The following RAD21 variants were observed in gnomAD, a reference collection of about 807,000 sequenced individuals.
RAD21 encodes the protein double-strand-break repair protein rad21 homolog.
A neutral mutation model predicts 71.5 loss-of-function variants in RAD21; 18 were observed. That is an observed-to-expected ratio of 0.25 (90% CI 0.17 to 0.37). The LOEUF is 0.37. RAD21 is among the 10% of genes least tolerant of loss of function. The pLI is 1.00. For missense variants in RAD21, 493 were observed against 769.1 expected (o/e 0.64, Z 4.25); for synonymous variants, 248 against 254.0 (o/e 0.98, Z 0.22).
At chr8:116,863,679 G>GA (rs1159110520) in intron 2 of RAD21, among the ~76,000 whole-genome samples, 2 of 152,080 alleles carry the variant, frequency 1.3e-5, no homozygotes, top group Non-Finnish European at 2.9e-5. Context: ...AGTAATAGGT[G>GA]AAGTATGCCA....
chr8:116,850,679 T>C lies in RAD21; in HGVS notation c.1559A>G (p.Glu520Gly), dbSNP rs1812331417. Residue 520 changes from glutamate to glycine, a missense_variant, in exon 12 of 14, where the codon GAA (glutamate) becomes GGA (glycine). This residue lies in a region of RAD21 where 225 missense variants were observed against 218.3 expected (regional missense o/e 1.03). Coordinates refer to ENST00000297338, the MANE Select transcript of RAD21 (RefSeq NM_006265.3). ...PNICQLIPEL[E>G]LLPEKEKEKE... ...CTCCTTCTCTTTTTCTGGCAGAAGT[T>C]CTAACTCTGGTATTAGCTGACAGAT... The C allele has an allele frequency of 1.2e-6, 2 of 1,613,134 alleles. No individual in the cohort carries two copies. The highest frequency in any genetic ancestry group is 1.7e-6 in the Non-Finnish European group (2 of 1,179,184).
At chr8:116,860,132 A>C (rs1374425332) in intron 4 of RAD21, among the ~76,000 whole-genome samples, 2 of 152,174 alleles carry the variant, frequency 1.3e-5, no homozygotes, top group Admixed American at 6.5e-5. Flanking sequence ...GTGGAGCCTG[A>C]AGGTGTAACT....
At chr8:116,856,539 T>A (rs558198814) in intron 7 of RAD21, 107 bp downstream of exon 7, 1 of 1,306,926 alleles carries the variant, frequency 7.7e-7, no homozygotes, top group Non-Finnish European at 1.0e-6. Context: ...TTAAAGATAT[T>A]TATAATTCAC....
chr8:116,850,927 C>A (rs1812337026), intron 11 of RAD21, 160 bp from the exon 12 acceptor site: 1 of 440,946 alleles, frequency 2.3e-6, no homozygotes, highest in Non-Finnish European at 4.0e-6. Flanking sequence ...CAGTATATAT[C>A]TTTTTTGATT....
chr8:116,860,814 G>C (rs1436795923), intron 4 of RAD21, among the ~76,000 whole-genome samples: 1 of 152,106 alleles, frequency 6.6e-6, no homozygotes, highest in Non-Finnish European at 1.5e-5. Flanking sequence ...GATGGGTCAT[G>C]GAGGCTTTAA....
chr8:116,860,034 C>T (rs1272671502), intron 4 of RAD21, among the ~76,000 whole-genome samples: 1 of 152,024 alleles, frequency 6.6e-6, no homozygotes, highest in Non-Finnish European at 1.5e-5. Context: ...TAACATTAAC[C>T]CTGATGCATG....
At chr8:116,857,538 C>A in intron 5 of RAD21, 65 bp from the exon 6 acceptor site, 1 of 1,285,268 alleles carries the variant, frequency 7.8e-7, no homozygotes, top group Non-Finnish European at 1.1e-6. Flanking sequence ...TAAAAGAAAA[C>A]TGCTAATGAT....
chr8:116,856,673 C>G lies in RAD21; in HGVS notation c.787G>C (p.Asp263His). 6.3e-7 allele frequency: 1 copy of G among 1,595,094 alleles called. No individual in the cohort carries two copies. The highest frequency in any genetic ancestry group is 8.5e-7 in the Non-Finnish European group (1 of 1,170,530). The change falls in exon 7 of 14, where the codon GAT (aspartate) becomes CAT (histidine). Residue 263 changes from aspartate (D) to histidine (H), a missense_variant. By Grantham distance (81) the Asp-to-His change is moderately conservative. Around this residue, in one of 5 missense-constraint regions of RAD21, gnomAD observed 165 missense variants for 229.6 expected, o/e 0.72. Transcript: ENST00000297338. ...GATACATTATCATCCTCATCCATAT[C>G]GTCATGTGCAGGCTGCTCTGGCAAC... ...VMLPEQPAHD[D>H]MDEDDNVSMG...
At position 116,866,775 on chromosome 8, in the gene RAD21, A is replaced by C. The variant is rs746328491; in HGVS notation, c.-32-14T>G. The stretch of plus-strand genomic sequence containing the variant: ...ACAGAAGAAAACCTAAGAGGGGAAA[A>C]AAAAGTTAATGTAAACATCATCTGA... On this transcript the variant is annotated splice_polypyrimidine_tract_variant and intron_variant, in intron 1 of 13. Transcript: ENST00000297338. The C allele has an allele frequency of 1.3e-6, 2 of 1,510,924 alleles. No individual in the cohort carries two copies. The highest frequency in any genetic ancestry group is 1.8e-6 in the Non-Finnish European group (2 of 1,130,428). The allele number at this position is 1,510,924 out of a possible 1,614,324, so 93.6% of individuals were successfully genotyped here.
At chr8:116,874,560 G>A (rs1812930044) in intron 1 of RAD21, 51 bp downstream of exon 1, 1 of 299,870 alleles carries the variant, frequency 3.3e-6, no homozygotes, top group East Asian at 1.2e-4. Flanking sequence ...GGCGGGGAAA[G>A]GGTGGGGGGA....
In RAD21 at chr8:116,857,283, A is replaced by G; in HGVS notation, c.672T>C (p.Asn224=). 6.2e-7 allele frequency: 1 copy of G among 1,606,400 alleles called. No individual in the cohort carries two copies. Among genetic ancestry groups the G allele is most frequent in the South Asian group, 1.1e-5 (1 of 90,876 alleles). The stretch of plus-strand genomic sequence containing the variant: ...CCCACATACCTAATATTCCACCATC[A>G]TTTCCTTCTCCAAAATTATCATCCT... ...QYKDDNFGEG[N]DGGILDDKLI... Residue 224 remains asparagine (N), a synonymous_variant, in exon 6 of 14, where the codon AAT becomes AAC. Transcript: ENST00000297338.
At chr8:116,856,837 A>G (rs1267148605) in intron 6 of RAD21, 66 bp from the exon 7 acceptor site, 4 of 1,206,790 alleles carry the variant, frequency 3.3e-6, no homozygotes, top group Non-Finnish European at 4.4e-6. Context: ...CAGCCAATCA[A>G]TGGAAAAACA....
chr8:116,855,772 G>C (rs978245142), intron 8 of RAD21, among the ~76,000 whole-genome samples: 3 of 151,956 alleles, frequency 2.0e-5, no homozygotes, highest in Non-Finnish European at 4.4e-5. Context: ...ACAGCATTTA[G>C]AATTGTACTT....
intron 10 of RAD21, 67 bp from the exon 11 acceptor site, chr8:116,852,163 A>AT: frequency 5.1e-6 from 7 of 1,377,034 alleles, no homozygotes; most frequent in Non-Finnish European, 6.8e-6. Flanking sequence ...AGAACCATTT[A>AT]TTTTTTAAAC....
intron 2 of RAD21, 68 bp from the exon 3 acceptor site, chr8:116,863,327 T>A: frequency 6.6e-7 from 1 of 1,508,614 alleles, no homozygotes; most frequent in Admixed American, 1.9e-5. Context: ...TCTTTTTATC[T>A]TTTTCCTTTA....
intron 11 of RAD21, chr8:116,851,101 A>G (rs907160211): frequency 1.8e-5 from 3 of 165,074 alleles, no homozygotes; most frequent in African/African-American, 7.2e-5. Context: ...TTTCTCTCTG[A>G]GAGTCTTGAA....
At chr8:116,848,706 T>C (rs1385047906) in intron 13 of RAD21, among the ~76,000 whole-genome samples, 1 of 151,858 alleles carries the variant, frequency 6.6e-6, no homozygotes, top group Non-Finnish European at 1.5e-5. Flanking sequence ...TCCATGCTTT[T>C]CCGGCTTACT....
intron 8 of RAD21, among the ~76,000 whole-genome samples, chr8:116,855,014 C>T (rs1812432955): frequency 6.6e-6 from 1 of 152,140 alleles, no homozygotes; most frequent in South Asian, 2.1e-4. Context: ...CTAATCCTTA[C>T]AACTTACAAG....
Position 116,874,441 on chromosome 8 carries a change from G to A in RAD21, c.-33+170C>T, listed in dbSNP as rs568589952. On this transcript the variant is annotated intron_variant, in intron 1 of 13. Transcript: ENST00000297338. ...CCGGGGCGAAGGGGGCTGGGCGGGT[G>A]GCGCCGCCGCTTGGGCGCCGGGAGG... 1.1e-3 allele frequency: 223 copies of A among 208,178 alleles called. 2 individuals are homozygous for A. The highest frequency in any genetic ancestry group is 4.9e-3 in the African/African-American group (204 of 41,758). The allele number at this position is 208,178 out of a possible 1,614,324, so 12.9% of individuals were successfully genotyped here.
Sources: allele counts gnomAD v4.1 joint callset (sites outside exome capture counted in the v4.1 genomes callset), GRCh38; gene constraint gnomAD v4.1.1; regional missense constraint gnomAD v4.1.1; transcripts MANE v1.5; gene names NCBI Gene and HGNC (gene_info 2026-07-23, HGNC 2026-07-21).